The following SIPA1L1 variants were observed in gnomAD, a reference collection of about 807,000 sequenced individuals.
SIPA1L1 encodes the protein signal induced proliferation associated 1 like 1.
SIPA1L1 carries 26 observed loss-of-function variants against 162.7 expected under a neutral mutation model. The ratio of observed to expected loss-of-function variants is 0.16; its 90% CI spans 0.12 to 0.22. SIPA1L1 has a LOEUF of 0.22. Among genes scored for constraint, SIPA1L1 ranks in the 10% least tolerant of loss-of-function variants. SIPA1L1 has a pLI of 1.00. For synonymous variants in SIPA1L1, 829 were observed against 837.4 expected (o/e 0.99, Z 0.17); for missense variants, 1,874 against 2,241.0 (o/e 0.84, Z 3.31).
chr14:71,394,619 C>A (rs1161823750), intron 2 of SIPA1L1, among the ~76,000 whole-genome samples: 1 of 152,166 alleles, frequency 6.6e-6, no homozygotes, highest in Non-Finnish European at 1.5e-5. Flanking sequence ...AATAAAATGA[C>A]CTCATCCAAA....
At chr14:71,592,789 G>A (rs2035566374) in intron 5 of SIPA1L1, among the ~76,000 whole-genome samples, 1 of 152,096 alleles carries the variant, frequency 6.6e-6, no homozygotes, top group African/African-American at 2.4e-5. Context: ...GGCTATTTTA[G>A]TCCAACATAG....
chr14:71,386,977 A>C (rs774433044), intron 2 of SIPA1L1, among the ~76,000 whole-genome samples: 1 of 152,150 alleles, frequency 6.6e-6, no homozygotes, highest in African/African-American at 2.4e-5. Context: ...GGCCGGGCGC[A>C]GTGGCTCACG....
intron 6 of SIPA1L1, among the ~76,000 whole-genome samples, chr14:71,621,020 A>G (rs2039383115): frequency 6.6e-6 from 1 of 152,192 alleles, no homozygotes; most frequent in South Asian, 2.1e-4. Context: ...AGAAACCATT[A>G]AAGCCACACT....
At chr14:71,579,579 A>G (rs2033627170) in intron 4 of SIPA1L1, among the ~76,000 whole-genome samples, 1 of 152,200 alleles carries the variant, frequency 6.6e-6, no homozygotes, top group Non-Finnish European at 1.5e-5. Context: ...AGACAGAGGA[A>G]CCATATGCAG....
At chr14:71,413,027 T>A (rs932061553) in intron 2 of SIPA1L1, among the ~76,000 whole-genome samples, 1 of 152,232 alleles carries the variant, frequency 6.6e-6, no homozygotes, top group African/African-American at 2.4e-5. Flanking sequence ...ACAGGGTTTC[T>A]AAACCTCACC....
chr14:71,712,952 A>G (rs898766559), intron 17 of SIPA1L1, among the ~76,000 whole-genome samples: 1 of 152,136 alleles, frequency 6.6e-6, no homozygotes, highest in Non-Finnish European at 1.5e-5. Context: ...ACTGCCATCT[A>G]GTCAGTACAA....
chr14:71,449,387 A>G (rs2045646448), intron 2 of SIPA1L1, among the ~76,000 whole-genome samples: 1 of 152,198 alleles, frequency 6.6e-6, no homozygotes, highest in Admixed American at 6.5e-5. Context: ...TCTGGGGAAG[A>G]GTAATTGAGA....
At chr14:71,704,706 T>C in intron 15 of SIPA1L1, 5 of 1,607,376 alleles carry the variant, frequency 3.1e-6, no homozygotes, top group Non-Finnish European at 4.3e-6. Flanking sequence ...TGTGTGTCTT[T>C]TCTGTTGTGC....
At chr14:71,543,750 A>C (rs1277328830) in intron 4 of SIPA1L1, among the ~76,000 whole-genome samples, 1 of 147,146 alleles carries the variant, frequency 6.8e-6, no homozygotes, top group Non-Finnish European at 1.5e-5. Flanking sequence ...TGTTTTTCTA[A>C]ATTATCTTCG....
At chr14:71,582,710 A>G (rs1280808060) in intron 4 of SIPA1L1, among the ~76,000 whole-genome samples, 5 of 152,152 alleles carry the variant, frequency 3.3e-5, no homozygotes, top group Admixed American at 1.3e-4. Flanking sequence ...CTTTGTTTCC[A>G]TCAGTGTTGT....
intron 2 of SIPA1L1, among the ~76,000 whole-genome samples, chr14:71,335,585 GAGAA>G (rs2035009143): frequency 1.3e-5 from 2 of 152,194 alleles, no homozygotes; most frequent in Admixed American, 6.5e-5. Flanking sequence ...TCAGTGGAAA[GAGAA>G]TGGTAATCGC....
intron 12 of SIPA1L1, among the ~76,000 whole-genome samples, chr14:71,673,157 G>A: frequency 6.6e-6 from 1 of 152,160 alleles, no homozygotes; most frequent in Admixed American, 6.5e-5. Flanking sequence ...ATGGTGCTTT[G>A]GCATTTTGGT....
intron 2 of SIPA1L1, among the ~76,000 whole-genome samples, chr14:71,374,689 T>G (rs529003985): frequency 2.1e-4 from 27 of 128,292 alleles, no homozygotes; most frequent in Non-Finnish European, 5.0e-5. Context: ...GCAACCGTTT[T>G]GAAAGTTTTT....
At chr14:71,503,213 G>T (rs2050394091) in intron 2 of SIPA1L1, among the ~76,000 whole-genome samples, 1 of 152,140 alleles carries the variant, frequency 6.6e-6, no homozygotes, top group Admixed American at 6.5e-5. Context: ...TTTATCCTAA[G>T]AACAATGCAT....
At chr14:71,452,116 T>C (rs2045872003) in intron 2 of SIPA1L1, among the ~76,000 whole-genome samples, 1 of 152,100 alleles carries the variant, frequency 6.6e-6, no homozygotes, top group Non-Finnish European at 1.5e-5. Flanking sequence ...AACACAAGTG[T>C]ATAACCAGCA....
chr14:71,350,298 C>T (rs1301145609), intron 2 of SIPA1L1, among the ~76,000 whole-genome samples: 3 of 151,996 alleles, frequency 2.0e-5, no homozygotes, highest in African/African-American at 7.3e-5. Context: ...ATCCCAGCTA[C>T]TCGGGTGGCT....
At chr14:71,711,263 T>A (rs1004168343) in intron 17 of SIPA1L1, among the ~76,000 whole-genome samples, 1 of 152,218 alleles carries the variant, frequency 6.6e-6, no homozygotes, top group Non-Finnish European at 1.5e-5. Context: ...GAGATGTGTT[T>A]GCCAAAGTAG....
At chr14:71,641,160 A>G (rs180733355) in intron 7 of SIPA1L1, among the ~76,000 whole-genome samples, 2 of 152,274 alleles carry the variant, frequency 1.3e-5, no homozygotes, top group African/African-American at 4.8e-5. Flanking sequence ...GAAGATATTT[A>G]TGCATTATTT....
intron 10 of SIPA1L1, among the ~76,000 whole-genome samples, chr14:71,664,424 T>G (rs1343838108): frequency 6.6e-6 from 1 of 152,162 alleles, no homozygotes; most frequent in East Asian, 1.9e-4. Flanking sequence ...TTTTTAAATT[T>G]TTGTGGGTAC....
Sources: allele counts gnomAD v4.1 joint callset (sites outside exome capture counted in the v4.1 genomes callset), GRCh38; gene constraint gnomAD v4.1.1; transcripts MANE v1.5; gene names NCBI Gene and HGNC (gene_info 2026-07-23, HGNC 2026-07-21).